PCM1: variants seen among roughly 807,000 people sequenced by gnomAD.
PCM1 encodes pericentriolar material 1, also known as pericentriolar material 1 protein.
In PCM1, 157 loss-of-function variants were observed where a neutral mutation model predicts 241.9. That is an observed-to-expected ratio of 0.65 (90% CI 0.57 to 0.74). The LOEUF (loss-of-function observed/expected upper bound fraction) is 0.74. Ranked by LOEUF, PCM1 falls within the 30% of genes least tolerant of loss-of-function variation. The pLI is 0.00. For synonymous variants in PCM1, 1,085 were observed against 784.9 expected (o/e 1.38, Z -6.39); for missense variants, 3,478 against 2,360.1 (o/e 1.47, Z -9.81).
chr8:18,023,539 A>T (rs2093927779), intron 36 of PCM1, among the ~76,000 whole-genome samples: 2 of 152,316 alleles, frequency 1.3e-5, no homozygotes, highest in South Asian at 4.1e-4. Context: ...GCTCACAGGG[A>T]TGAGCTTTGG....
intron 1 of PCM1, among the ~76,000 whole-genome samples, chr8:17,924,193 C>G (rs1281864327): frequency 6.6e-6 from 1 of 152,062 alleles, no homozygotes; most frequent in Non-Finnish European, 1.5e-5. Flanking sequence ...TGCACCTGCT[C>G]CTTTCTTTCC....
In PCM1 at chr8:17,966,305, TAACA is replaced by T. The variant is rs2074867746; in HGVS notation, c.3076-18_3076-15del. 1.9e-6 allele frequency: 3 copies of T among 1,612,218 alleles called. No individual in the cohort carries two copies. Among genetic ancestry groups the T allele is most frequent in the Admixed American group, 1.7e-5 (1 of 59,972 alleles). On this transcript the variant is annotated intron_variant, in intron 19 of 38. Transcript: ENST00000325083. ...TTTTTCTCAAGTCATCAGTAACTAT[TAACA>T]AACATTTTCTTTCAATAGACTCTAT...
intron 35 of PCM1, 62 bp from the exon 36 acceptor site, chr8:18,014,505 GTATTGTCTTTATTAGTA>G: frequency 8.8e-7 from 1 of 1,131,464 alleles, no homozygotes; most frequent in Non-Finnish European, 1.2e-6. Context: ...TTATTCAGGC[GTATTGTCTTTATTAGTA>G]TAATAGTAAA....
At chr8:17,962,609 T>G (rs1234347459) in intron 16 of PCM1, among the ~76,000 whole-genome samples, 1 of 151,946 alleles carries the variant, frequency 6.6e-6, no homozygotes, top group Non-Finnish European at 1.5e-5. Flanking sequence ...TCTACTTGTT[T>G]CTATTAATAG....
chr8:17,964,596 C>T lies in PCM1; in HGVS notation c.2683C>T (p.Gln895Ter), dbSNP rs772709975. The T allele has an allele frequency of 8.1e-6, 13 of 1,613,664 alleles. No homozygotes were observed. The highest frequency in any genetic ancestry group is 1.0e-5 in the Non-Finnish European group (12 of 1,179,802). ...KTMATWGGSTQCALDEEGDED... is the reference protein window; with the variant it reads ...KTMATWGGST ...GATGGCAACTTGGGGAGGGTCTACC[C>T]AGTGTGCACTAGATGAAGAAGGAGA... Residue 895 changes from glutamine to a stop codon, truncating the protein, a stop_gained, in exon 18 of 39, where the codon CAG becomes TAG. Coordinates refer to ENST00000325083, the MANE Select transcript of PCM1 (RefSeq NM_006197.4). LOFTEE classifies it high-confidence loss of function.
intron 23 of PCM1, among the ~76,000 whole-genome samples, chr8:17,976,544 A>G (rs1014866599): frequency 1.3e-5 from 2 of 152,214 alleles, no homozygotes; most frequent in African/African-American, 2.4e-5. Flanking sequence ...TCTCTTGTCC[A>G]TGTTCCAGGA....
chr8:17,995,972 C>A (rs995267669), intron 29 of PCM1, among the ~76,000 whole-genome samples: 20 of 152,038 alleles, frequency 1.3e-4, no homozygotes, highest in Non-Finnish European at 2.8e-4. Flanking sequence ...ATATATATAT[C>A]ATATACAAAC....
chr8:18,021,259 C>G (rs1477372431), intron 36 of PCM1, among the ~76,000 whole-genome samples: 1 of 152,112 alleles, frequency 6.6e-6, no homozygotes, highest in Non-Finnish European at 1.5e-5. Context: ...ACTCTACAAA[C>G]CATCATGGTG....
chr8:18,007,009 C>A (rs1056207382), intron 30 of PCM1, among the ~76,000 whole-genome samples: 4 of 152,090 alleles, frequency 2.6e-5, no homozygotes, highest in African/African-American at 9.7e-5. Context: ...AGGACAGTAC[C>A]CCATAGCAAA....
chr8:17,966,177 T>G lies in PCM1; in HGVS notation c.3034T>G (p.Phe1012Val). 6.2e-7 allele frequency: 1 copy of G among 1,613,936 alleles called. No homozygotes were observed. Among genetic ancestry groups the G allele is most frequent in the Non-Finnish European group, 8.5e-7 (1 of 1,179,836 alleles). ...QINQLKKQLDFSVSICQTLMQ... is the reference protein window; with the variant it reads ...QINQLKKQLDVSVSICQTLMQ... ...CAATCAGCTAAAGAAACAGCTTGAT[T>G]TTAGTGTCAGTATTTGTCAGACTTT... is the stretch of plus-strand genomic sequence containing the variant. Residue 1012 changes from phenylalanine (F) to valine (V), a missense_variant, in exon 19 of 39, where the codon TTT (phenylalanine) becomes GTT (valine). By Grantham distance (50) the Phe-to-Val change is conservative (BLOSUM62 -1). Transcript: ENST00000325083.
At chr8:18,007,980 A>T (rs1358394315) in intron 30 of PCM1, among the ~76,000 whole-genome samples, 1 of 152,204 alleles carries the variant, frequency 6.6e-6, no homozygotes, top group Non-Finnish European at 1.5e-5. Flanking sequence ...GAAGATTCTC[A>T]ACCTAAAATA....
At chr8:17,981,825 C>CT (rs2080930437) in intron 24 of PCM1, among the ~76,000 whole-genome samples, 1 of 151,622 alleles carries the variant, frequency 6.6e-6, no homozygotes, top group Admixed American at 6.6e-5. Context: ...ACTGGTACAA[C>CT]TTTCCTGGAA....
chr8:18,025,325 C>T (rs573078846), intron 36 of PCM1, 36 bp from the exon 37 acceptor site: 2 of 1,089,108 alleles, frequency 1.8e-6, no homozygotes, highest in Admixed American at 1.9e-5. Flanking sequence ...TGGTTTGGAT[C>T]TAGAGTATGT....
chr8:17,937,051 C>G (rs2060635566), intron 3 of PCM1, 83 bp from the exon 4 acceptor site: 4 of 1,087,940 alleles, frequency 3.7e-6, no homozygotes, highest in Middle Eastern at 3.0e-4. Context: ...AATTTTAAAA[C>G]TGACCAAAAC....
At chr8:18,001,289 A>G (rs1305601902) in intron 29 of PCM1, among the ~76,000 whole-genome samples, 1 of 152,182 alleles carries the variant, frequency 6.6e-6, no homozygotes, top group African/African-American at 2.4e-5. Context: ...CTTTTCCACT[A>G]TTACAAACAC....
rs776708050 is a variant in PCM1, at chr8:18,010,593, T to C, written c.5161-16T>C. ...AAGTATGTTGCTAAATTCTGTGTAA[T>C]TGATTTGTTTTAAAGGCTAAAAGGA... On this transcript the variant is annotated splice_polypyrimidine_tract_variant and intron_variant, in intron 31 of 38. Coordinates refer to ENST00000325083, the MANE Select transcript of PCM1 (RefSeq NM_006197.4). 1.9e-6 allele frequency: 3 copies of C among 1,573,542 alleles called. No homozygotes were observed. The East Asian group carries it at 6.8e-5, about 36-fold the overall frequency.
intron 30 of PCM1, among the ~76,000 whole-genome samples, chr8:18,009,191 C>G (rs935509767): frequency 1.3e-5 from 2 of 152,126 alleles, no homozygotes; most frequent in Non-Finnish European, 2.9e-5. Flanking sequence ...AAGATTTTGT[C>G]TTTTCCTTTC....
intron 2 of PCM1, among the ~76,000 whole-genome samples, chr8:17,929,303 A>T (rs1017860609): frequency 6.6e-6 from 1 of 152,000 alleles, no homozygotes; most frequent in African/African-American, 2.4e-5. Flanking sequence ...TCTGTACCTT[A>T]TTAGTGTATT....
chr8:17,930,785 C>T (rs1014422494), intron 2 of PCM1, among the ~76,000 whole-genome samples: 2 of 151,702 alleles, frequency 1.3e-5, no homozygotes, highest in Admixed American at 6.6e-5. Flanking sequence ...GAGGCTGAGG[C>T]AGGAGAATGA....
Sources: gnomAD v4.1 joint callset for allele counts (sites outside exome capture counted in the v4.1 genomes callset) on GRCh38, gnomAD v4.1.1 for gene constraint, MANE v1.5 for transcripts, NCBI Gene and HGNC (gene_info 2026-07-23, HGNC 2026-07-21) for gene names.